Variants in PSD3 observed in about 807,000 individuals in gnomAD.
The protein encoded by PSD3 is PH and SEC7 domain-containing protein 3.
In PSD3, 49 loss-of-function variants were observed where a neutral mutation model predicts 105.5. The ratio of observed to expected loss-of-function variants is 0.46; its 90% CI spans 0.37 to 0.59. The LOEUF (loss-of-function observed/expected upper bound fraction) is 0.59. Among genes scored for constraint, PSD3 ranks in the 20% least tolerant of loss-of-function variants. The pLI is 0.00. For synonymous variants in PSD3, 557 were observed against 457.8 expected (o/e 1.22, Z -2.77); for missense variants, 1,561 against 1,263.8 (o/e 1.24, Z -3.57).
intron 12 of PSD3, among the ~76,000 whole-genome samples, chr8:18,585,555 C>T (rs1438537005): frequency 6.6e-6 from 1 of 152,038 alleles, no homozygotes; most frequent in African/African-American, 2.4e-5. Flanking sequence ...TGGGCTTAAG[C>T]AATCTACCCA....
At chr8:18,759,150 A>G (rs1806306683) in intron 9 of PSD3, among the ~76,000 whole-genome samples, 1 of 150,414 alleles carries the variant, frequency 6.6e-6, no homozygotes, top group Non-Finnish European at 1.5e-5. Flanking sequence ...TCTTCCCTTA[A>G]GGGAAGACGT....
intron 2 of PSD3, among the ~76,000 whole-genome samples, chr8:18,877,568 A>C (rs1376042124): frequency 7.1e-6 from 1 of 141,762 alleles, no homozygotes; most frequent in East Asian, 2.1e-4. Flanking sequence ...TTTTGACAGG[A>C]TCTCACTCTG....
intron 9 of PSD3, among the ~76,000 whole-genome samples, chr8:18,658,855 T>C (rs1343006601): frequency 6.6e-6 from 1 of 152,152 alleles, no homozygotes; most frequent in Non-Finnish European, 1.5e-5. Flanking sequence ...AATTTCTCTC[T>C]CATCTCAATT....
chr8:19,020,112 T>C (rs560189684), intron 1 of PSD3, among the ~76,000 whole-genome samples: 1 of 152,334 alleles, frequency 6.6e-6, no homozygotes, highest in South Asian at 2.1e-4. Flanking sequence ...TTATCCAACA[T>C]CTACCATGTG....
intron 9 of PSD3, among the ~76,000 whole-genome samples, chr8:18,704,630 A>G (rs1183430694): frequency 4.6e-5 from 7 of 152,160 alleles, no homozygotes; most frequent in African/African-American, 1.7e-4. Flanking sequence ...GTGAGCCACC[A>G]TGTCTGGCCC....
At chr8:19,017,728 A>G (rs961582724), upstream of PSD3, among the ~76,000 whole-genome samples, 3 of 152,212 alleles carry the variant, frequency 2.0e-5, no homozygotes, top group African/African-American at 7.2e-5. Context: ...ATATTGTAGC[A>G]TATATCAGAA....
At chr8:19,003,328 G>C (rs1363261885) in intron 1 of PSD3, among the ~76,000 whole-genome samples, 1 of 151,784 alleles carries the variant, frequency 6.6e-6, no homozygotes, top group African/African-American at 2.4e-5. Context: ...CTATGATGGC[G>C]CCTGGGAGTA....
rs1429363502 is a variant in PSD3, at chr8:18,690,269, G to C, written c.2173-34584C>G. Among the ~76,000 whole-genome samples, 4 of 152,306 alleles carry C rather than the reference G, an allele frequency of 2.6e-5. 1 individual carries two copies. In the Middle Eastern group the frequency reaches 0.014, roughly 518 times the overall value. Reference sequence around the variant, plus strand: ...GCTCCCTGTCCTTGACCTGGCAGGAGTGAGGTACGCAACCTTTCGTTCTCT... The same window carrying C: ...GCTCCCTGTCCTTGACCTGGCAGGACTGAGGTACGCAACCTTTCGTTCTCT... On this transcript the variant is annotated intron_variant, in intron 9 of 15. Coordinates refer to ENST00000327040, the MANE Select transcript of PSD3 (RefSeq NM_015310.4).
chr8:18,615,631 A>AT (rs957861305), intron 11 of PSD3, among the ~76,000 whole-genome samples: 10 of 152,198 alleles, frequency 6.6e-5, no homozygotes, highest in Non-Finnish European at 1.0e-4. Context: ...GCATACTATG[A>AT]TTTTTTTCAT....
At chr8:18,816,975 T>A (rs1812269768) in intron 4 of PSD3, among the ~76,000 whole-genome samples, 1 of 152,166 alleles carries the variant, frequency 6.6e-6, no homozygotes, top group Non-Finnish European at 1.5e-5. Flanking sequence ...TAGAAGGAAC[T>A]GAGGATGTGG....
At chr8:18,910,102 G>T (rs530912874) in intron 2 of PSD3, among the ~76,000 whole-genome samples, 1 of 152,254 alleles carries the variant, frequency 6.6e-6, no homozygotes, top group East Asian at 1.9e-4. Context: ...CAATGGAAAG[G>T]AACTTGTATT....
intron 12 of PSD3, among the ~76,000 whole-genome samples, chr8:18,585,887 T>A (rs2634448): frequency 0.4 from 60,228 of 151,940 alleles, 12,255 homozygotes; most frequent in East Asian, 0.47. Context: ...GACTTGGAGT[T>A]TGACAAGGCA....
rs772380796 is a variant in PSD3, at chr8:18,808,796, TG to T, written c.1635-3899del. On this transcript the variant is annotated intron_variant, in intron 4 of 15. Coordinates refer to ENST00000327040, the MANE Select transcript of PSD3 (RefSeq NM_015310.4). ...ACCAAGAAGAGCCCATCGCAACCCCTGGGGTGCGCCTGGACCATCCTTCCTC... is the reference window on the plus strand; with the variant it reads ...ACCAAGAAGAGCCCATCGCAACCCCTGGGTGCGCCTGGACCATCCTTCCTC... The T allele has an allele frequency of 3.1e-6, 5 of 1,613,776 alleles. No individual in the cohort carries two copies. In the South Asian group the frequency reaches 5.5e-5, roughly 18 times the overall value.
rs368578078 is a variant in PSD3, at chr8:18,886,052, A to G, written c.131-13319T>C. On this transcript the variant is annotated intron_variant, in intron 2 of 15. Transcript: ENST00000327040. Reference sequence around the variant, plus strand: ...GCTCTTTAAGAGAAACTCCTCCCCTATTCCCATCCAGCACTACAACATTAT... The same window carrying G: ...GCTCTTTAAGAGAAACTCCTCCCCTGTTCCCATCCAGCACTACAACATTAT... 8.9e-4 allele frequency among the ~76,000 whole-genome samples: 136 copies of G among 152,194 alleles called. 3 individuals are homozygous for G. In the South Asian group the frequency reaches 0.027, roughly 31 times the overall value.
In PSD3 at chr8:18,561,826, G is replaced by T. The variant is rs138615001; in HGVS notation, c.2785-5474C>A. ...TATTGCTTAACTGATCAGGCAATGG[G>T]AACAGGCAACTTGGCTGTTGAAGAT... On this transcript the variant is annotated intron_variant, in intron 14 of 15. Coordinates refer to ENST00000327040, the MANE Select transcript of PSD3 (RefSeq NM_015310.4). Among the ~76,000 whole-genome samples, 28 of 152,228 alleles carry T rather than the reference G, an allele frequency of 1.8e-4. No individual in the cohort carries two copies. In the East Asian group the frequency reaches 5.4e-3, roughly 29 times the overall value.
chr8:18,817,977 G>A (rs539237866), intron 4 of PSD3, among the ~76,000 whole-genome samples: 98 of 152,016 alleles, frequency 6.4e-4, no homozygotes, highest in Non-Finnish European at 9.9e-4. Flanking sequence ...TTTTTGAGAC[G>A]GAGTCTCACT....
intron 1 of PSD3, among the ~76,000 whole-genome samples, chr8:18,949,991 G>A (rs918209295): frequency 6.6e-6 from 1 of 152,106 alleles, no homozygotes; most frequent in African/African-American, 2.4e-5. Context: ...GACAAGACAA[G>A]ATGCATCAAC....
At chr8:18,701,160 G>T (rs368501616) in intron 9 of PSD3, among the ~76,000 whole-genome samples, 37 of 145,942 alleles carry the variant, frequency 2.5e-4, no homozygotes, top group African/African-American at 9.1e-4. Flanking sequence ...TGTAGAGACA[G>T]GATCACTCTA....
intron 4 of PSD3, among the ~76,000 whole-genome samples, chr8:18,825,415 G>A (rs550880873): frequency 6.6e-6 from 1 of 152,254 alleles, no homozygotes; most frequent in South Asian, 2.1e-4. Context: ...GGTGCAACCC[G>A]GTTTGAGAAT....
Sources: allele counts gnomAD v4.1 joint callset (sites outside exome capture counted in the v4.1 genomes callset), GRCh38; gene constraint gnomAD v4.1.1; transcripts MANE v1.5; gene names NCBI Gene and HGNC (gene_info 2026-07-23, HGNC 2026-07-21).